DCAF5: variants seen among roughly 807,000 people sequenced by gnomAD.
DCAF5 encodes DDB1- and CUL4-associated factor 5.
In DCAF5, 9 loss-of-function variants were observed where a neutral mutation model predicts 80.7. The ratio of observed to expected loss-of-function variants is 0.11; its 90% CI spans 0.07 to 0.19. The LOEUF is 0.19. Ranked by LOEUF, DCAF5 falls within the 10% of genes least tolerant of loss-of-function variation. The pLI is 1.00. For missense variants in DCAF5, 842 were observed against 1,205.7 expected, an observed-to-expected ratio of 0.70 and a Z score of 4.47; for synonymous variants, 433 against 461.9, an observed-to-expected ratio of 0.94 and a Z score of 0.80.
At chr14:69,077,132 G>A (rs1270455328) in intron 6 of DCAF5, among the ~76,000 whole-genome samples, 5 of 152,190 alleles carry the variant, frequency 3.3e-5, no homozygotes, top group Non-Finnish European at 7.3e-5. Context: ...TTAAGGTGAG[G>A]TCAGCATTAC....
chr14:69,132,416 T>C (rs2041068436), intron 1 of DCAF5, among the ~76,000 whole-genome samples: 1 of 152,188 alleles, frequency 6.6e-6, no homozygotes, highest in Non-Finnish European at 1.5e-5. Flanking sequence ...TTTAAATATC[T>C]CAGAGCGCAT....
intron 7 of DCAF5, among the ~76,000 whole-genome samples, chr14:69,062,960 T>C (rs971570905): frequency 4.6e-5 from 7 of 151,984 alleles, no homozygotes; most frequent in African/African-American, 1.7e-4. Flanking sequence ...CTCTAATCCA[T>C]TTGCCCTCAG....
chr14:69,058,072 G>C (rs1205733160), intron 8 of DCAF5, among the ~76,000 whole-genome samples: 1 of 152,172 alleles, frequency 6.6e-6, no homozygotes, highest in African/African-American at 2.4e-5. Context: ...AGAAACTTCT[G>C]AACATTATAA....
At chr14:69,070,630 G>A (rs1278521497) in intron 7 of DCAF5, among the ~76,000 whole-genome samples, 1 of 152,086 alleles carries the variant, frequency 6.6e-6, no homozygotes, top group African/African-American at 2.4e-5. Flanking sequence ...GGCTCTATAT[G>A]TAACTGCTGG....
chr14:69,068,737 C>G (rs1400408929), intron 7 of DCAF5, among the ~76,000 whole-genome samples: 1 of 150,000 alleles, frequency 6.7e-6, no homozygotes, highest in Non-Finnish European at 1.5e-5. Context: ...AAGGCATAGA[C>G]TATTTCTTTT....
intron 1 of DCAF5, among the ~76,000 whole-genome samples, chr14:69,136,285 G>A (rs1485075573): frequency 2.0e-5 from 3 of 151,458 alleles, no homozygotes; most frequent in African/African-American, 7.3e-5. Flanking sequence ...CTGGCTAATT[G>A]TTTTCTTTTT....
At chr14:69,102,690 T>C (rs1378752239) in intron 5 of DCAF5, among the ~76,000 whole-genome samples, 2 of 151,864 alleles carry the variant, frequency 1.3e-5, no homozygotes, top group Non-Finnish European at 2.9e-5. Flanking sequence ...TCTGTTCTAC[T>C]AACATCTTCA....
intron 1 of DCAF5, among the ~76,000 whole-genome samples, chr14:69,134,204 C>T (rs1001944268): frequency 6.6e-6 from 1 of 152,118 alleles, no homozygotes; most frequent in African/African-American, 2.4e-5. Context: ...TGTCTGAGTC[C>T]AAAGCCCCTG....
chr14:69,102,845 ATACAG>A (rs1181929135), intron 5 of DCAF5, among the ~76,000 whole-genome samples: 1 of 152,182 alleles, frequency 6.6e-6, no homozygotes, highest in Non-Finnish European at 1.5e-5. Context: ...AAGAAATACA[ATACAG>A]TAAACAGGTA....
intron 7 of DCAF5, among the ~76,000 whole-genome samples, chr14:69,072,064 A>G (rs1040866680): frequency 3.3e-5 from 5 of 152,194 alleles, no homozygotes; most frequent in African/African-American, 1.2e-4. Context: ...TCATTAAACA[A>G]AAGTCTTCAT....
At chr14:69,147,164 A>G (rs959948536) in intron 1 of DCAF5, among the ~76,000 whole-genome samples, 1 of 152,274 alleles carries the variant, frequency 6.6e-6, no homozygotes, top group Non-Finnish European at 1.5e-5. Flanking sequence ...GTGTAATAAT[A>G]GCTATTATTC....
At chr14:69,137,955 T>C (rs1270173113) in intron 1 of DCAF5, among the ~76,000 whole-genome samples, 1 of 152,132 alleles carries the variant, frequency 6.6e-6, no homozygotes, top group African/African-American at 2.4e-5. Flanking sequence ...ATACATAGGG[T>C]TCAGTACCAT....
chr14:69,100,953 TGAA>T (rs2039932158), intron 5 of DCAF5, among the ~76,000 whole-genome samples: 1 of 152,224 alleles, frequency 6.6e-6, no homozygotes, highest in East Asian at 1.9e-4. Flanking sequence ...TAGATACCCC[TGAA>T]GAAGCAACAA....
chr14:69,100,585 C>T (rs1293105594), intron 5 of DCAF5, among the ~76,000 whole-genome samples: 1 of 152,198 alleles, frequency 6.6e-6, no homozygotes, highest in Non-Finnish European at 1.5e-5. Context: ...TAGCATTGGA[C>T]ATAGTCACCA....
At chr14:69,113,172 C>G (rs1197696428) in intron 5 of DCAF5, among the ~76,000 whole-genome samples, 1 of 152,024 alleles carries the variant, frequency 6.6e-6, no homozygotes, top group Non-Finnish European at 1.5e-5. Flanking sequence ...CAAGCATTGA[C>G]TAATACATAG....
chr14:69,141,595 C>A (rs2041376002), intron 1 of DCAF5, among the ~76,000 whole-genome samples: 1 of 152,166 alleles, frequency 6.6e-6, no homozygotes. Flanking sequence ...AATAATTACA[C>A]TGGGACAATG....
chr14:69,135,774 G>A (rs571883832), intron 1 of DCAF5, among the ~76,000 whole-genome samples: 1 of 152,298 alleles, frequency 6.6e-6, no homozygotes, highest in Non-Finnish European at 1.5e-5. Flanking sequence ...GATGAGACTG[G>A]TGGCAATGTC....
chr14:69,056,870 T>C (rs1416803467), intron 8 of DCAF5, among the ~76,000 whole-genome samples: 1 of 152,180 alleles, frequency 6.6e-6, no homozygotes, highest in Non-Finnish European at 1.5e-5. Context: ...TTAGCATCTC[T>C]CCACCAGTTT....
intron 2 of DCAF5, among the ~76,000 whole-genome samples, chr14:69,120,835 A>G (rs943077829): frequency 3.3e-5 from 5 of 152,356 alleles, no homozygotes; most frequent in African/African-American, 1.2e-4. Context: ...TGGACTTGAG[A>G]ACAGTCCAAC....
Sources: gnomAD v4.1 joint callset for allele counts (sites outside exome capture counted in the v4.1 genomes callset) on GRCh38, gnomAD v4.1.1 for gene constraint, MANE v1.5 for transcripts, NCBI Gene and HGNC (gene_info 2026-07-23, HGNC 2026-07-21) for gene names.